The following CCDC85A variants were observed in gnomAD, a reference collection of about 807,000 sequenced individuals.
The protein encoded by CCDC85A is coiled-coil domain-containing protein 85A.
In CCDC85A, 38 loss-of-function variants were observed where a neutral mutation model predicts 50.2. The ratio of observed to expected loss-of-function variants is 0.76; its 90% CI spans 0.58 to 0.99. CCDC85A has a LOEUF of 0.99. Ranked by LOEUF, CCDC85A falls within the 50% of genes least tolerant of loss-of-function variation. CCDC85A has a pLI of 0.00. For missense variants in CCDC85A, 820 were observed against 742.0 expected, an observed-to-expected ratio of 1.11 and a Z score of -1.22; for synonymous variants, 366 against 301.4, an observed-to-expected ratio of 1.21 and a Z score of -2.22.
intron 4 of CCDC85A, among the ~76,000 whole-genome samples, chr2:56,374,252 C>A (rs551607710): frequency 1.3e-5 from 2 of 152,164 alleles, no homozygotes; most frequent in East Asian, 1.9e-4. Flanking sequence ...CAGGACCTGA[C>A]TGGATTATAG....
At chr2:56,256,429 C>G (rs2104008346) in intron 2 of CCDC85A, among the ~76,000 whole-genome samples, 1 of 152,204 alleles carries the variant, frequency 6.6e-6, no homozygotes, top group South Asian at 2.1e-4. Context: ...CCTTGGTGGC[C>G]TATTGATCAG....
At chr2:56,205,364 C>T (rs1193262248) in intron 2 of CCDC85A, among the ~76,000 whole-genome samples, 1 of 152,066 alleles carries the variant, frequency 6.6e-6, no homozygotes, top group African/African-American at 2.4e-5. Flanking sequence ...TATTACTTTA[C>T]AGCTGACATT....
intron 2 of CCDC85A, among the ~76,000 whole-genome samples, chr2:56,275,945 G>A (rs1208883044): frequency 6.6e-6 from 1 of 152,160 alleles, no homozygotes; most frequent in Non-Finnish European, 1.5e-5. Flanking sequence ...TAGGAGAAAA[G>A]ACTGAGTCAG....
intron 2 of CCDC85A, among the ~76,000 whole-genome samples, chr2:56,317,364 A>G (rs1672968810): frequency 6.6e-6 from 1 of 152,156 alleles, no homozygotes; most frequent in African/African-American, 2.4e-5. Context: ...GAGTGATCCA[A>G]AAGTCTACAC....
intron 2 of CCDC85A, among the ~76,000 whole-genome samples, chr2:56,196,121 A>AT (rs1351949985): frequency 6.6e-6 from 1 of 152,160 alleles, no homozygotes. Flanking sequence ...AATTTTAGCT[A>AT]TTTTTTCTCT....
At chr2:56,351,808 T>C (rs931337785) in intron 3 of CCDC85A, among the ~76,000 whole-genome samples, 1 of 151,834 alleles carries the variant, frequency 6.6e-6, no homozygotes, top group Non-Finnish European at 1.5e-5. Context: ...AGGTTGCCTG[T>C]TCACTCCAAT....
intron 2 of CCDC85A, among the ~76,000 whole-genome samples, chr2:56,230,474 A>T (rs559046655): frequency 2.6e-5 from 4 of 152,284 alleles, no homozygotes; most frequent in Non-Finnish European, 4.4e-5. Flanking sequence ...CTGCTATTAG[A>T]AATATTGCTG....
chr2:56,237,784 G>T (rs1262409666), intron 2 of CCDC85A, among the ~76,000 whole-genome samples: 1 of 150,916 alleles, frequency 6.6e-6, no homozygotes. Flanking sequence ...AGTTTGCTAT[G>T]ATTGAATGCT....
chr2:56,259,252 C>A (rs755920268), intron 2 of CCDC85A, among the ~76,000 whole-genome samples: 1 of 152,106 alleles, frequency 6.6e-6, no homozygotes, highest in Non-Finnish European at 1.5e-5. Context: ...TGGATGGGAT[C>A]ATATGCATTG....
At chr2:56,318,449 G>T (rs950723121) in intron 2 of CCDC85A, among the ~76,000 whole-genome samples, 1 of 152,018 alleles carries the variant, frequency 6.6e-6, no homozygotes, top group Non-Finnish European at 1.5e-5. Context: ...TTCTCAGAGA[G>T]GCCTAGTCTG....
chr2:56,316,950 A>AG (rs1264087756), intron 2 of CCDC85A, among the ~76,000 whole-genome samples: 1 of 152,150 alleles, frequency 6.6e-6, no homozygotes, highest in African/African-American at 2.4e-5. Flanking sequence ...GTACATGGCT[A>AG]GAAAAACATC....
chr2:56,185,851 T>C (rs997933838), intron 1 of CCDC85A: 1 of 152,396 alleles, frequency 6.6e-6, no homozygotes, highest in African/African-American at 2.4e-5. Context: ...CCTCCTGGTA[T>C]TCCTTCCTCT....
rs529887124 is a variant in CCDC85A, at chr2:56,216,506, A to G, written c.1240+23066A>G. Among the ~76,000 whole-genome samples, 3 of 151,842 alleles carry G rather than the reference A, an allele frequency of 2.0e-5. No homozygotes were observed. In the East Asian group the frequency reaches 5.8e-4, roughly 30 times the overall value. ...GCCAATGAAGCCTTTTATATATTTG[A>G]ATGTTTATCGACATTAATTCTTTTT... On this transcript the variant is annotated intron_variant, in intron 2 of 5. Transcript: ENST00000407595.
chr2:56,271,533 G>A (rs1269816492), intron 2 of CCDC85A, among the ~76,000 whole-genome samples: 1 of 152,162 alleles, frequency 6.6e-6, no homozygotes, highest in Non-Finnish European at 1.5e-5. Flanking sequence ...GTATACGGGT[G>A]AGTTTTAGGA....
rs1168771346 is a variant in CCDC85A at position 56,184,831 on chromosome 2, C to G, written c.207C>G (p.Asp69Glu). 9 of 1,543,228 alleles carry G rather than the reference C, an allele frequency of 5.8e-6. No homozygotes were observed. In the South Asian group the frequency reaches 1.1e-4, roughly 18 times the overall value. The change falls in exon 1 of 6, where the codon GAC becomes GAG. Residue 69 changes from aspartate (D) to glutamate (E), a missense_variant. Transcript: ENST00000407595. Reference sequence around the variant, plus strand: ...CGGAGAAGGTGAGCGCGATGCTGGACCACAGCAACCTCATCCGCGAGGTGA... The same window carrying G: ...CGGAGAAGGTGAGCGCGATGCTGGAGCACAGCAACCTCATCCGCGAGGTGA... ...AEAEKVSAMLDHSNLIREVNR... is the reference protein window; with the variant it reads ...AEAEKVSAMLEHSNLIREVNR...
At chr2:56,293,962 C>A (rs1224524663) in intron 2 of CCDC85A, among the ~76,000 whole-genome samples, 1 of 152,140 alleles carries the variant, frequency 6.6e-6, no homozygotes, top group Non-Finnish European at 1.5e-5. Flanking sequence ...TGGGTATACA[C>A]CCAAAGGAAT....
At position 56,342,886 on chromosome 2, in the gene CCDC85A, C is replaced by T. The variant is rs771068377; in HGVS notation, c.1248C>T (p.Thr416=). 5 of 1,586,546 alleles carry T rather than the reference C, an allele frequency of 3.2e-6. No individual in the cohort carries two copies. The African/African-American group carries it at 6.7e-5, about 21-fold the overall frequency. Residue 416 remains threonine (T), a synonymous_variant, in exon 3 of 6, where the codon ACC becomes ACT. Transcript: ENST00000407595. The stretch of plus-strand genomic sequence containing the variant: ...CTTTCTTTTTAATTTTAGAATCAAC[C>T]TTGTCCTATGTTAGGCAGCTGGAGG... The part of the protein sequence containing the change: ...RNVYSGMNES[T]LSYVRQLEAR...
chr2:56,356,971 C>CA (rs1675267754), intron 3 of CCDC85A, among the ~76,000 whole-genome samples: 1 of 150,646 alleles, frequency 6.6e-6, no homozygotes, highest in Non-Finnish European at 1.5e-5. Flanking sequence ...CCCAGCTATT[C>CA]GGGAGGTTGA....
At chr2:56,379,501 G>T (rs992338669) in intron 5 of CCDC85A, among the ~76,000 whole-genome samples, 9 of 152,106 alleles carry the variant, frequency 5.9e-5, no homozygotes, top group Non-Finnish European at 1.3e-4. Context: ...AGACACTAAT[G>T]AATTCCATTG....
Sources: gnomAD v4.1 joint callset for allele counts (sites outside exome capture counted in the v4.1 genomes callset) on GRCh38, gnomAD v4.1.1 for gene constraint, MANE v1.5 for transcripts, NCBI Gene and HGNC (gene_info 2026-07-23, HGNC 2026-07-21) for gene names.